The following GRIK1 variants were observed in gnomAD, a reference collection of about 807,000 sequenced individuals.
GRIK1 encodes glutamate receptor ionotropic, kainate 1.
A neutral mutation model predicts 105.7 loss-of-function variants in GRIK1; 69 were observed. The observed-to-expected ratio is 0.65, with a 90% confidence interval of 0.54 to 0.80. The LOEUF is 0.80. Among genes scored for constraint, GRIK1 ranks in the 30% least tolerant of loss-of-function variants. GRIK1 has a pLI of 0.00. For synonymous variants in GRIK1, 438 were observed against 431.3 expected (o/e 1.02, Z -0.19); for missense variants, 1,109 against 1,167.3 (o/e 0.95, Z 0.73).
chr21:29,755,244 T>G (rs413057), intron 1 of GRIK1, among the ~76,000 whole-genome samples: 40,508 of 152,094 alleles, frequency 0.27, 6,027 homozygotes, highest in African/African-American at 0.41. Flanking sequence ...TGGATTCATT[T>G]ATTTGAAGCA....
At chr21:29,937,650 AG>A (rs538454320) in intron 1 of GRIK1, among the ~76,000 whole-genome samples, 1 of 152,342 alleles carries the variant, frequency 6.6e-6, no homozygotes, top group South Asian at 2.1e-4. Flanking sequence ...TACAGGGATG[AG>A]GAACATTGGC....
At chr21:29,605,336 A>G (rs1165773267) in intron 7 of GRIK1, among the ~76,000 whole-genome samples, 1 of 152,144 alleles carries the variant, frequency 6.6e-6, no homozygotes, top group Non-Finnish European at 1.5e-5. Context: ...CTGTTCCTGC[A>G]TGAGTTTGCT....
intron 6 of GRIK1, among the ~76,000 whole-genome samples, chr21:29,646,244 T>A (rs1237438090): frequency 6.6e-6 from 1 of 152,188 alleles, no homozygotes; most frequent in Non-Finnish European, 1.5e-5. Flanking sequence ...TCCATGCCTA[T>A]GTGACCCATC....
intron 7 of GRIK1, among the ~76,000 whole-genome samples, chr21:29,605,517 C>T (rs1471867809): frequency 6.6e-6 from 1 of 152,144 alleles, no homozygotes; most frequent in African/African-American, 2.4e-5. Context: ...AATCATGCTG[C>T]AATGAACATA....
chr21:29,930,212 C>T (rs1417965475), intron 1 of GRIK1, among the ~76,000 whole-genome samples: 1 of 152,040 alleles, frequency 6.6e-6, no homozygotes, highest in African/African-American at 2.4e-5. Flanking sequence ...CAAATATTGC[C>T]TTTAGATTTG....
intron 1 of GRIK1, among the ~76,000 whole-genome samples, chr21:29,848,779 A>ATATATATATATATATATGTATATTTT: frequency 1.3e-5 from 1 of 77,884 alleles, no homozygotes; most frequent in African/African-American, 5.8e-5. Context: ...ATATATATAT[A>ATATATATATATATATATGTATATTTT]TTTTTTTTTT....
intron 3 of GRIK1, among the ~76,000 whole-genome samples, chr21:29,689,462 A>G (rs754978647): frequency 6.6e-6 from 1 of 152,232 alleles, no homozygotes; most frequent in South Asian, 2.1e-4. Context: ...TGATTGGATT[A>G]TAACATATAC....
At chr21:29,768,410 G>A (rs2065728605) in intron 1 of GRIK1, among the ~76,000 whole-genome samples, 1 of 152,156 alleles carries the variant, frequency 6.6e-6, no homozygotes, top group Admixed American at 6.5e-5. Flanking sequence ...GAGTAAAATA[G>A]AAAAGGAGAG....
intron 1 of GRIK1, among the ~76,000 whole-genome samples, chr21:29,777,744 C>T (rs952387990): frequency 4.6e-5 from 7 of 152,036 alleles, no homozygotes; most frequent in Middle Eastern, 3.2e-3. Context: ...CATTTTGGAA[C>T]GTTAATGCAG....
chr21:29,865,806 A>C (rs1601888825), intron 1 of GRIK1, among the ~76,000 whole-genome samples: 1 of 152,254 alleles, frequency 6.6e-6, no homozygotes, highest in Non-Finnish European at 1.5e-5. Context: ...TGACCAAGTC[A>C]TTCCAGTTTT....
chr21:29,549,230 G>T (rs1426085902), intron 16 of GRIK1, among the ~76,000 whole-genome samples: 2 of 152,122 alleles, frequency 1.3e-5, no homozygotes, highest in Non-Finnish European at 2.9e-5. Flanking sequence ...AAAAACTCAT[G>T]CTCAACAGCT....
At chr21:29,811,901 C>T (rs982763928) in intron 1 of GRIK1, among the ~76,000 whole-genome samples, 6 of 152,124 alleles carry the variant, frequency 3.9e-5, no homozygotes, top group African/African-American at 1.2e-4. Flanking sequence ...TACCTGGAAA[C>T]CTCTTTTCCT....
chr21:29,586,774 A>G (rs2091139164), intron 12 of GRIK1, among the ~76,000 whole-genome samples: 1 of 152,232 alleles, frequency 6.6e-6, no homozygotes, highest in Admixed American at 6.5e-5. Context: ...CATCTTAATG[A>G]TAGCACAAAG....
chr21:29,803,349 A>C (rs905854133), intron 1 of GRIK1, among the ~76,000 whole-genome samples: 3 of 152,212 alleles, frequency 2.0e-5, no homozygotes, highest in Non-Finnish European at 4.4e-5. Flanking sequence ...TAACGCATAC[A>C]TCTAAGTGCC....
intron 1 of GRIK1, among the ~76,000 whole-genome samples, chr21:29,745,487 A>G (rs1441329950): frequency 6.6e-6 from 1 of 152,206 alleles, no homozygotes; most frequent in East Asian, 1.9e-4. Context: ...TAACTGATAG[A>G]TAACTTAGCA....
rs114805794 is a variant in GRIK1 at position 29,563,276 on chromosome 21, T to C, written c.2131-1427A>G. 6.7e-3 allele frequency among the ~76,000 whole-genome samples: 1,025 copies of C among 152,314 alleles called. 15 individuals are homozygous for C. Among genetic ancestry groups the C allele is most frequent in the African/African-American group, 0.024 (978 of 41,566 alleles). ...ATCACGGTTATTCATGCCCAGGTGT[T>C]CCTGGGGGCCACTCAATTCCAACCT... On this transcript the variant is annotated intron_variant, in intron 14 of 17. Coordinates refer to ENST00000327783, the MANE Select transcript of GRIK1 (RefSeq NM_001330994.2).
At chr21:29,776,392 G>A (rs935926057) in intron 1 of GRIK1, among the ~76,000 whole-genome samples, 8 of 152,134 alleles carry the variant, frequency 5.3e-5, no homozygotes, top group East Asian at 1.9e-4. Context: ...AACACTTCTC[G>A]TGTAATCAGC....
intron 7 of GRIK1, among the ~76,000 whole-genome samples, chr21:29,621,263 G>T (rs2061995301): frequency 2.0e-5 from 3 of 152,146 alleles, no homozygotes; most frequent in Admixed American, 2.0e-4. Context: ...CCTGTTGAGA[G>T]AAGTCAGGGA....
intron 14 of GRIK1, among the ~76,000 whole-genome samples, chr21:29,563,256 G>T (rs79825091): frequency 0.037 from 5,688 of 152,094 alleles, 350 homozygotes; most frequent in African/African-American, 0.13. Flanking sequence ...ACTCTATCAC[G>T]GTTATTCATG....
Sources: gnomAD v4.1 joint callset for allele counts (sites outside exome capture counted in the v4.1 genomes callset) on GRCh38, gnomAD v4.1.1 for gene constraint, MANE v1.5 for transcripts, NCBI Gene and HGNC (gene_info 2026-07-23, HGNC 2026-07-21) for gene names.